The following CORO2B variants were observed in gnomAD, a reference collection of about 807,000 sequenced individuals.
CORO2B encodes coronin 2B, also known as coronin-2B.
Under a neutral mutation model 58.8 loss-of-function variants are expected in CORO2B, and 26 were observed. That is an observed-to-expected ratio of 0.44 (90% CI 0.32 to 0.61). The LOEUF is 0.61. Ranked by LOEUF, CORO2B falls within the 20% of genes least tolerant of loss-of-function variation. The pLI, the probability that CORO2B is intolerant of heterozygous loss-of-function variation, is 0.04. For synonymous variants in CORO2B, 242 were observed against 253.8 expected (o/e 0.95, Z 0.44); for missense variants, 460 against 645.1 (o/e 0.71, Z 3.11).
At chr15:68,690,553 TCTTG>T (rs1892331837) in intron 2 of CORO2B, among the ~76,000 whole-genome samples, 2 of 152,166 alleles carry the variant, frequency 1.3e-5, no homozygotes, top group Non-Finnish European at 2.9e-5. Flanking sequence ...ATAGCACAAT[TCTTG>T]CTTAAGATAT....
chr15:68,723,823 CCAGCTACT>C (rs1256503547), intron 11 of CORO2B, among the ~76,000 whole-genome samples: 1 of 152,108 alleles, frequency 6.6e-6, no homozygotes, highest in Non-Finnish European at 1.5e-5. Context: ...CCCTCTAGTC[CCAGCTACT>C]CAGGAGGCTC....
At chr15:68,690,058 A>G (rs1035426169) in intron 2 of CORO2B, among the ~76,000 whole-genome samples, 4 of 152,220 alleles carry the variant, frequency 2.6e-5, no homozygotes, top group Non-Finnish European at 5.9e-5. Context: ...TTACTTCCCA[A>G]TTATTTCACT....
chr15:68,675,574 C>T (rs1001599043), intron 2 of CORO2B, among the ~76,000 whole-genome samples: 1 of 152,122 alleles, frequency 6.6e-6, no homozygotes, highest in Admixed American at 6.6e-5. Flanking sequence ...CCTTCTGAGC[C>T]TCTGTTGTCT....
intron 1 of CORO2B, chr15:68,641,584 C>A: frequency 1.0e-6 from 1 of 985,368 alleles, no homozygotes; most frequent in Non-Finnish European, 1.2e-6. Flanking sequence ...ACCTGGGGAA[C>A]CTGGGGTAAG....
upstream of CORO2B, chr15:68,578,976 T>A: frequency 3.3e-4 from 179 of 536,978 alleles, no homozygotes; most frequent in Non-Finnish European, 3.8e-4. This position sits in a 1 kb window ranked among gnomAD's most constrained non-coding sequence, Gnocchi z 4.2. Flanking sequence ...GCCCGGGCCC[T>A]CTCCCTCTCT....
At chr15:68,618,826 A>G (rs963066387) in intron 1 of CORO2B, among the ~76,000 whole-genome samples, 1 of 152,222 alleles carries the variant, frequency 6.6e-6, no homozygotes, top group Non-Finnish European at 1.5e-5. Context: ...ATGTGCCCCT[A>G]AAAATACTTT....
the CORO2B span, among the ~76,000 whole-genome samples, chr15:68,547,536 G>A: frequency 2.6e-5 from 4 of 152,012 alleles, no homozygotes; most frequent in Non-Finnish European, 4.4e-5. Flanking sequence ...TAGAGACGGG[G>A]TTTTACCGTG....
At chr15:68,547,444 A>G in the CORO2B span, among the ~76,000 whole-genome samples, 1 of 152,206 alleles carries the variant, frequency 6.6e-6, no homozygotes, top group African/African-American at 2.4e-5. Flanking sequence ...CAACTCTATC[A>G]TCTACAATGA....
chr15:68,530,013 T>C, the CORO2B span, among the ~76,000 whole-genome samples: 1 of 152,212 alleles, frequency 6.6e-6, no homozygotes, highest in African/African-American at 2.4e-5. Context: ...AAAATATGCT[T>C]TGTTTCAATC....
chr15:68,561,761 C>T, the CORO2B span, among the ~76,000 whole-genome samples: 2 of 151,994 alleles, frequency 1.3e-5, no homozygotes, highest in East Asian at 3.9e-4. Flanking sequence ...ATGTGCAGGG[C>T]CATGTGCCTG....
At chr15:68,599,627 C>T (rs1034178538) in intron 1 of CORO2B, among the ~76,000 whole-genome samples, 1 of 152,100 alleles carries the variant, frequency 6.6e-6, no homozygotes, top group African/African-American at 2.4e-5. Flanking sequence ...CCAGACAGAT[C>T]TGGGTTGCCC....
the CORO2B span, among the ~76,000 whole-genome samples, chr15:68,534,851 C>T: frequency 2.6e-5 from 4 of 152,202 alleles, no homozygotes; most frequent in East Asian, 3.9e-4. Context: ...TGGCGGAAGG[C>T]GAAAGACACA....
At chr15:68,554,251 G>A in the CORO2B span, among the ~76,000 whole-genome samples, 1 of 152,126 alleles carries the variant, frequency 6.6e-6, no homozygotes, top group African/African-American at 2.4e-5. Context: ...GAGTGGACTA[G>A]ACTCACAGGT....
chr15:68,717,311 C>CA (rs78726358), intron 8 of CORO2B, among the ~76,000 whole-genome samples: 6,718 of 112,450 alleles, frequency 0.06, 365 homozygotes, highest in African/African-American at 0.16. Context: ...CAGACTCTGT[C>CA]AAAAAAAAAA....
chr15:68,592,666 A>T (rs568268793), intron 1 of CORO2B, among the ~76,000 whole-genome samples: 2 of 152,284 alleles, frequency 1.3e-5, no homozygotes, highest in South Asian at 4.1e-4. Flanking sequence ...CATTCACTCT[A>T]TAAATATTTG....
chr15:68,581,126 G>A (rs1241525338), intron 1 of CORO2B, among the ~76,000 whole-genome samples: 1 of 152,162 alleles, frequency 6.6e-6, no homozygotes, highest in African/African-American at 2.4e-5. Context: ...ATGGGACAGG[G>A]AGTCCATGAA....
At chr15:68,595,527 C>G (rs895366255) in intron 1 of CORO2B, among the ~76,000 whole-genome samples, 52 of 152,354 alleles carry the variant, frequency 3.4e-4, no homozygotes, top group African/African-American at 1.2e-3. Flanking sequence ...TCCCTCAGTT[C>G]AGCCCCTTGG....
chr15:68,672,368 T>C (rs1902431632), intron 2 of CORO2B, among the ~76,000 whole-genome samples: 1 of 152,068 alleles, frequency 6.6e-6, no homozygotes, highest in Non-Finnish European at 1.5e-5. Flanking sequence ...CCCAAAGTGC[T>C]GGGATTACAG....
intron 2 of CORO2B, among the ~76,000 whole-genome samples, chr15:68,688,812 A>T (rs1209451212): frequency 6.6e-6 from 1 of 152,172 alleles, no homozygotes; most frequent in African/African-American, 2.4e-5. Context: ...CTGAAGCAGA[A>T]TTATTGGTCA....
Sources: gnomAD v4.1 joint callset for allele counts (sites outside exome capture counted in the v4.1 genomes callset) on GRCh38, gnomAD v4.1.1 for gene constraint, Gnocchi (gnomAD v3.1) non-coding constraint, MANE v1.5 for transcripts, NCBI Gene and HGNC (gene_info 2026-07-23, HGNC 2026-07-21) for gene names.